Variants in STAT5B observed in about 807,000 individuals in gnomAD.
STAT5B encodes signal transducer and activator of transcription 5B.
A neutral mutation model predicts 107.8 loss-of-function variants in STAT5B; 21 were observed. The ratio of observed to expected loss-of-function variants is 0.19; its 90% confidence interval spans 0.14 to 0.28. The LOEUF is 0.28. Ranked by LOEUF, STAT5B falls within the 10% of genes least tolerant of loss-of-function variation. The pLI is 1.00. For missense variants in STAT5B, 565 were observed against 1,008.2 expected, an observed-to-expected ratio of 0.56 and a Z score of 5.95; for synonymous variants, 325 against 401.7, an observed-to-expected ratio of 0.81 and a Z score of 2.28.
Position 42,238,826 on chromosome 17 carries a change from T to C in STAT5B, c.-10-6689A>G, listed in dbSNP as rs182321344. ...GACAGGAACTCTTGGGAGGTGGTGG[T>C]GGAAAGGCACCATGAAGTCTGTTCT... On this transcript the variant is annotated intron_variant, in intron 1 of 18. Coordinates refer to ENST00000293328, the MANE Select transcript of STAT5B (RefSeq NM_012448.4). 4.0e-4 allele frequency among the ~76,000 whole-genome samples: 61 copies of C among 151,420 alleles called. No homozygotes were observed. In the East Asian group the frequency reaches 8.9e-3, roughly 22 times the overall value.
chr17:42,209,478 T>C (rs188071495), intron 15 of STAT5B, among the ~76,000 whole-genome samples: 17 of 152,338 alleles, frequency 1.1e-4, no homozygotes, highest in African/African-American at 3.8e-4. Context: ...GTAATCCCAA[T>C]ACTTTGGGAA....
intron 1 of STAT5B, among the ~76,000 whole-genome samples, chr17:42,245,670 C>T (rs2144341050): frequency 6.6e-6 from 1 of 152,138 alleles, no homozygotes; most frequent in East Asian, 1.9e-4. Flanking sequence ...TTACAGGTGC[C>T]CACCACCATG....
chr17:42,207,275 C>T (rs1350616556), intron 16 of STAT5B, among the ~76,000 whole-genome samples: 1 of 152,092 alleles, frequency 6.6e-6, no homozygotes, highest in Non-Finnish European at 1.5e-5. Context: ...TCATGAAAAA[C>T]AAAATTTTAC....
chr17:42,227,071 G>A (rs937909000), intron 3 of STAT5B, among the ~76,000 whole-genome samples: 2 of 150,676 alleles, frequency 1.3e-5, no homozygotes, highest in African/African-American at 4.9e-5. Context: ...GGAGGCAGAG[G>A]TTGCAGTGAG....
rs1483041977 is a variant in STAT5B, at chr17:42,199,676, A to G, written c.*2062T>C. On this transcript the variant is annotated 3_prime_UTR_variant, in exon 19 of 19. Transcript: ENST00000293328. ...CACCGAGGACAGCTCACAACTGGAC[A>G]AGCAGGGAAACCCCAGCTCAGGGAA... 2 of 152,464 alleles carry G rather than the reference A, an allele frequency of 1.3e-5. No individual in the cohort carries two copies. The highest frequency in any genetic ancestry group is 2.9e-5 in the Non-Finnish European group (2 of 68,124). 9.4% of individuals were successfully genotyped at this position (152,464 alleles called of 1,614,324 possible).
chr17:42,244,709 A>G (rs987415789), intron 1 of STAT5B, among the ~76,000 whole-genome samples: 3 of 152,138 alleles, frequency 2.0e-5, no homozygotes, highest in Non-Finnish European at 2.9e-5. Flanking sequence ...TTCTTTGACA[A>G]GTGCCTTGAT....
intron 11 of STAT5B, among the ~76,000 whole-genome samples, chr17:42,216,526 G>A (rs1310872851): frequency 1.3e-5 from 2 of 152,098 alleles, no homozygotes; most frequent in East Asian, 3.8e-4. Flanking sequence ...GTTTGTTCAT[G>A]TTTTATTTTT....
the STAT5B span, among the ~76,000 whole-genome samples, chr17:42,282,114 G>C: frequency 6.6e-6 from 1 of 152,208 alleles, no homozygotes; most frequent in Non-Finnish European, 1.5e-5. Flanking sequence ...CAAAGCTCCG[G>C]AAGTTCTGTG....
chr17:42,232,786 A>G (rs2080327394), intron 1 of STAT5B, among the ~76,000 whole-genome samples: 1 of 152,116 alleles, frequency 6.6e-6, no homozygotes, highest in Non-Finnish European at 1.5e-5. Flanking sequence ...CTTTTGTTCA[A>G]AATTGTCAGC....
chr17:42,268,004 CA>C (rs2080689254), intron 1 of STAT5B, among the ~76,000 whole-genome samples: 1 of 149,460 alleles, frequency 6.7e-6, no homozygotes, highest in South Asian at 2.1e-4. Flanking sequence ...AAAAGTATTA[CA>C]GTAGGCTAAG....
intron 1 of STAT5B, among the ~76,000 whole-genome samples, chr17:42,254,820 C>A (rs994208193): frequency 6.6e-6 from 1 of 152,084 alleles, no homozygotes; most frequent in Non-Finnish European, 1.5e-5. Context: ...AAGGTCGGTG[C>A]GGTGGCTCAT....
In STAT5B at chr17:42,200,533, AC is replaced by A. The variant is rs2144187815; in HGVS notation, c.*1204del. On this transcript the variant is annotated 3_prime_UTR_variant, in exon 19 of 19. Transcript: ENST00000293328. ...GACTGCATTTCCACACATTACCAAC[AC>A]CTGCCAGGACTTCACAGCAGGGTGA... is the stretch of plus-strand genomic sequence containing the variant. 1 of 152,800 alleles carries A rather than the reference AC, an allele frequency of 6.5e-6. No individual in the cohort carries two copies. Among genetic ancestry groups the A allele is most frequent in the Non-Finnish European group, 1.5e-5 (1 of 68,088 alleles). The allele number at this position is 152,800 out of a possible 1,614,324, so 9.5% of individuals were successfully genotyped here.
chr17:42,214,720 G>C lies in STAT5B; in HGVS notation c.1473+1294C>G, dbSNP rs530944534. The C allele has an allele frequency of 3.4e-6, 3 of 883,030 alleles. No homozygotes were observed. The African/African-American group carries it at 5.4e-5, about 16-fold the overall frequency. 54.7% of individuals were successfully genotyped at this position (883,030 alleles called of 1,614,324 possible). A position where few individuals can be genotyped will look rare whatever the true frequency, so the allele number is the denominator to read the frequency against. On this transcript the variant is annotated intron_variant, in intron 12 of 18. Transcript: ENST00000293328. ...TGCTTTTATGGACTAATCTCTATTG[G>C]AAATATGTAACAAATGACCTTTGCC...
intron 1 of STAT5B, among the ~76,000 whole-genome samples, chr17:42,268,989 T>C (rs2080698583): frequency 6.6e-6 from 1 of 152,206 alleles, no homozygotes; most frequent in Non-Finnish European, 1.5e-5. Context: ...GAATGTAACT[T>C]AACATTTAGC....
intron 1 of STAT5B, among the ~76,000 whole-genome samples, chr17:42,275,928 T>C (rs925837669): frequency 2.0e-5 from 3 of 151,998 alleles, no homozygotes; most frequent in Non-Finnish European, 4.4e-5. Flanking sequence ...TGAGCTCCTA[T>C]GGGGTCGGCG....
At position 42,207,622 on chromosome 17, in the gene STAT5B, A is replaced by T; in HGVS notation, c.2013T>A (p.Pro671=). The T allele has an allele frequency of 6.2e-7, 1 of 1,614,152 alleles. No homozygotes were observed. Among genetic ancestry groups the T allele is most frequent in the Non-Finnish European group, 8.5e-7 (1 of 1,180,042 alleles). ...GDLNYLIYVF[P]DRPKDEVYSK... ...AGTATACTTCATCTTTTGGCCGATCAGGAAACACGTAGATAAGGTAATTCA... is the reference window on the plus strand; with the variant it reads ...AGTATACTTCATCTTTTGGCCGATCTGGAAACACGTAGATAAGGTAATTCA... The change falls in exon 16 of 19, where the codon CCT becomes CCA. Residue 671 remains proline (P), a synonymous_variant. Coordinates refer to ENST00000293328, the MANE Select transcript of STAT5B (RefSeq NM_012448.4).
intron 12 of STAT5B, among the ~76,000 whole-genome samples, chr17:42,213,859 C>A (rs1348474606): frequency 6.8e-6 from 1 of 146,512 alleles, no homozygotes; most frequent in Admixed American, 6.9e-5. Context: ...AGCATAAGGT[C>A]GGCTGGGTGC....
At chr17:42,205,400 A>G (rs2080077480) in intron 16 of STAT5B, among the ~76,000 whole-genome samples, 1 of 151,882 alleles carries the variant, frequency 6.6e-6, no homozygotes, top group Non-Finnish European at 1.5e-5. Context: ...CTAGACTCCA[A>G]CCTTTCACCC....
chr17:42,220,599 C>G (rs2080217050), intron 5 of STAT5B, among the ~76,000 whole-genome samples: 1 of 152,068 alleles, frequency 6.6e-6, no homozygotes, highest in Non-Finnish European at 1.5e-5. Flanking sequence ...GTGAACCCAG[C>G]CAACCAACCA....
Sources: allele counts gnomAD v4.1 joint callset (sites outside exome capture counted in the v4.1 genomes callset), GRCh38; gene constraint gnomAD v4.1.1; transcripts MANE v1.5; gene names NCBI Gene and HGNC (gene_info 2026-07-23, HGNC 2026-07-21).